Variants in IL1RAPL2 observed in about 807,000 individuals in gnomAD.
The protein encoded by IL1RAPL2 is interleukin 1 receptor accessory protein like 2.
Under a neutral mutation model 44.1 loss-of-function variants are expected in IL1RAPL2, and 3 were observed. The observed-to-expected ratio is 0.07, with a 90% CI of 0.03 to 0.18. The LOEUF (loss-of-function observed/expected upper bound fraction) is 0.18, where lower values mean the gene tolerates loss of function less well. Ranked by LOEUF, IL1RAPL2 falls within the 10% of genes least tolerant of loss-of-function variation. The pLI, the probability that IL1RAPL2 is intolerant of heterozygous loss-of-function variation, is 1.00. For missense variants in IL1RAPL2, 391 were observed against 496.4 expected, an observed-to-expected ratio of 0.79 and a Z score of 2.02; for synonymous variants, 181 against 178.8, an observed-to-expected ratio of 1.01 and a Z score of -0.10.
intron 2 of IL1RAPL2, among the ~76,000 whole-genome samples, chrX:104,984,348 C>T (rs2030520828): frequency 9.0e-6 from 1 of 111,703 alleles, no homozygotes; most frequent in African/African-American, 3.3e-5. Flanking sequence ...CACTGTTAAA[C>T]CTCCCCACTA....
chrX:104,942,174 G>A (rs1017240046), intron 2 of IL1RAPL2, among the ~76,000 whole-genome samples: 5 of 111,964 alleles, frequency 4.5e-5, no homozygotes, highest in African/African-American at 1.6e-4. Context: ...GATCATCTTG[G>A]AAATGCGGGT....
intron 2 of IL1RAPL2, among the ~76,000 whole-genome samples, chrX:105,033,799 G>A (rs1212919584): frequency 2.7e-5 from 3 of 111,869 alleles, no homozygotes; most frequent in Non-Finnish European, 5.6e-5. Context: ...AGTTCTCCTG[G>A]ATTATATCCT....
At chrX:104,924,591 C>T (rs1440331406) in intron 2 of IL1RAPL2, among the ~76,000 whole-genome samples, 1 of 111,442 alleles carries the variant, frequency 9.0e-6, no homozygotes, top group East Asian at 2.8e-4. Flanking sequence ...TAATTTGCTT[C>T]TGAATAACTT....
At chrX:104,983,577 ACATAATATATAATATATTATATG>A (rs2030497981) in intron 2 of IL1RAPL2, among the ~76,000 whole-genome samples, 2 of 71,177 alleles carry the variant, frequency 2.8e-5, no homozygotes, top group African/African-American at 4.4e-5. Flanking sequence ...TATATTATAG[ACATAATATATAATATATTATATG>A]CATAATATAT....
chrX:104,637,654 A>G (rs1326151335), intron 1 of IL1RAPL2, among the ~76,000 whole-genome samples: 4 of 111,116 alleles, frequency 3.6e-5, no homozygotes, highest in Admixed American at 2.9e-4. Flanking sequence ...GCAACCCTGG[A>G]ATAAATCTCA....
Position 105,740,588 on chromosome X carries a change from A to T in IL1RAPL2, c.945A>T (p.Ala315=). 8.3e-7 allele frequency: 1 copy of T among 1,208,268 alleles called. No homozygotes were observed. Among genetic ancestry groups the T allele is most frequent in the Non-Finnish European group, 1.1e-6 (1 of 892,993 alleles). ...EHLGEKEVEL[A]LIFDSVVEAD... ...TTGGAGAAAAAGAAGTTGAATTGGC[A>T]CTCATCTTTGACTCAGTTGTGGAAG... is the stretch of plus-strand genomic sequence containing the variant. The change falls in exon 8 of 11, where the codon GCA becomes GCT. Residue 315 remains alanine, a synonymous_variant. Transcript: ENST00000372582.
intron 5 of IL1RAPL2, among the ~76,000 whole-genome samples, chrX:105,471,565 C>T (rs1020694633): frequency 5.6e-5 from 6 of 107,285 alleles, no homozygotes; most frequent in Admixed American, 3.9e-4. Context: ...TCTTTTCTCA[C>T]GTACTATGCA....
At chrX:104,768,270 A>C (rs1053115404) in intron 2 of IL1RAPL2, among the ~76,000 whole-genome samples, 20 of 111,431 alleles carry the variant, frequency 1.8e-4, no homozygotes, top group African/African-American at 6.5e-4. Flanking sequence ...TGAGAAAAGC[A>C]TGTGTGATTA....
intron 2 of IL1RAPL2, among the ~76,000 whole-genome samples, chrX:104,841,024 G>A (rs1459807424): frequency 1.8e-5 from 2 of 110,942 alleles, no homozygotes; most frequent in Non-Finnish European, 3.8e-5. Flanking sequence ...GAGAGTCTAA[G>A]TCTCTTTGTA....
At chrX:105,678,853 T>C (rs1030682678) in intron 6 of IL1RAPL2, among the ~76,000 whole-genome samples, 1 of 111,208 alleles carries the variant, frequency 9.0e-6, no homozygotes, top group African/African-American at 3.3e-5. Flanking sequence ...GGCTAATTTA[T>C]ATTGCATATA....
chrX:104,779,291 T>G (rs2147601579), intron 2 of IL1RAPL2, among the ~76,000 whole-genome samples: 1 of 112,506 alleles, frequency 8.9e-6, no homozygotes. Context: ...ATGGTCTGGG[T>G]TCATGTGCTT....
intron 2 of IL1RAPL2, among the ~76,000 whole-genome samples, chrX:105,108,331 G>A (rs2032764902): frequency 9.0e-6 from 1 of 110,895 alleles, no homozygotes; most frequent in Admixed American, 9.6e-5. Context: ...TTTTGTTGTT[G>A]TTGTTGGTTT....
chrX:105,174,303 G>A (rs1193684908), intron 2 of IL1RAPL2, among the ~76,000 whole-genome samples: 1 of 111,757 alleles, frequency 8.9e-6, no homozygotes, highest in Non-Finnish European at 1.9e-5. Context: ...CAATCTTCCA[G>A]GCCATATCAG....
At chrX:105,634,693 A>C (rs2037512177) in intron 6 of IL1RAPL2, among the ~76,000 whole-genome samples, 1 of 111,710 alleles carries the variant, frequency 9.0e-6, no homozygotes, top group Non-Finnish European at 1.9e-5. Context: ...AATGCAATAA[A>C]AGAGGCAGAA....
intron 2 of IL1RAPL2, among the ~76,000 whole-genome samples, chrX:105,069,737 G>A (rs897766421): frequency 8.9e-6 from 1 of 112,219 alleles, no homozygotes; most frequent in African/African-American, 3.2e-5. Context: ...TGAATTATCA[G>A]AACCTTTTCA....
chrX:104,914,517 GTTAA>G (rs1413514582), intron 2 of IL1RAPL2, among the ~76,000 whole-genome samples: 2 of 111,780 alleles, frequency 1.8e-5, no homozygotes, highest in African/African-American at 3.3e-5. Flanking sequence ...TTCTTCTATT[GTTAA>G]TTGAGAAAAG....
intron 1 of IL1RAPL2, among the ~76,000 whole-genome samples, chrX:104,585,353 T>A (rs1392619644): frequency 2.1e-3 from 41 of 19,646 alleles, no homozygotes; most frequent in African/African-American, 8.5e-3. Context: ...TTATATATAT[T>A]ATATATATTA....
At chrX:105,613,050 C>A (rs1301852363) in intron 6 of IL1RAPL2, among the ~76,000 whole-genome samples, 14 of 111,714 alleles carry the variant, frequency 1.3e-4, no homozygotes, top group Non-Finnish European at 2.3e-4. Context: ...CCTACCCAAA[C>A]CCCAGGCTGA....
chrX:105,063,667 G>T (rs1000629996), intron 2 of IL1RAPL2, among the ~76,000 whole-genome samples: 8 of 111,517 alleles, frequency 7.2e-5, no homozygotes, highest in Admixed American at 5.7e-4. Flanking sequence ...TTTAGTCTGG[G>T]TTTCTTTTGT....
Sources: allele counts gnomAD v4.1 joint callset (sites outside exome capture counted in the v4.1 genomes callset), GRCh38; gene constraint gnomAD v4.1.1; transcripts MANE v1.5; gene names NCBI Gene and HGNC (gene_info 2026-07-23, HGNC 2026-07-21).